Variants in IVNS1ABP observed in about 807,000 individuals in gnomAD.
The protein encoded by IVNS1ABP is influenza virus NS1A-binding protein.
Under a neutral mutation model 78.9 loss-of-function variants are expected in IVNS1ABP, and 25 were observed. The ratio of observed to expected loss-of-function variants is 0.32; its 90% CI spans 0.23 to 0.44. The LOEUF is 0.44. Ranked by LOEUF, IVNS1ABP falls within the 20% of genes least tolerant of loss-of-function variation. The pLI, the probability that IVNS1ABP is intolerant of heterozygous loss-of-function variation, is 1.00. For synonymous variants in IVNS1ABP, 241 were observed against 259.7 expected, an observed-to-expected ratio of 0.93 and a Z score of 0.69; for missense variants, 494 against 768.9, an observed-to-expected ratio of 0.64 and a Z score of 4.23.
intron 4 of IVNS1ABP, 24 bp from the exon 5 acceptor site, chr1:185,308,899 T>G (rs1210571656): frequency 5.0e-6 from 8 of 1,591,496 alleles, no homozygotes; most frequent in Non-Finnish European, 6.9e-6. Flanking sequence ...AAGTTACTTA[T>G]GATACCAAAG....
Position 185,309,028 on chromosome 1 carries a change from A to G in IVNS1ABP, c.256T>C (p.Leu86=), listed in dbSNP as rs1481616255. 3 of 1,611,568 alleles carry G rather than the reference A, an allele frequency of 1.9e-6. No homozygotes were observed. The African/African-American group carries it at 4.0e-5, about 22-fold the overall frequency. Residue 86 remains leucine, a synonymous_variant, in exon 4 of 15, where the codon TTG becomes CTG. Coordinates refer to ENST00000367498, the MANE Select transcript of IVNS1ABP (RefSeq NM_006469.5). The part of the protein sequence containing the change: ...DDLNPEAVEV[L]LNYAYTAQLK... ...TGAGCAGTGTAGGCATAATTCAACA[A>G]GACTTCAACAGCTTCTGGATTGAGA...
chr1:185,298,640 G>A lies in IVNS1ABP; in HGVS notation c.1676-352C>T. The A allele has an allele frequency of 3.4e-6, 1 of 289,938 alleles. No individual in the cohort carries two copies. The highest frequency in any genetic ancestry group is 6.5e-6 in the Non-Finnish European group (1 of 153,720). The allele number at this position is 289,938 out of a possible 1,614,324, so 18.0% of individuals were successfully genotyped here. A position where few individuals can be genotyped will look rare whatever the true frequency, so the allele number is the denominator to read the frequency against. On this transcript the variant is annotated intron_variant, in intron 14 of 14. Coordinates refer to ENST00000367498, the MANE Select transcript of IVNS1ABP (RefSeq NM_006469.5). This position sits in a 1 kb window ranked among gnomAD's most constrained non-coding sequence, Gnocchi z 4.1. ...GAAGCTGGACAATTATCCTACAGATGCAGCTACTAAGTAGCAAACCAGAAT... is the reference window on the plus strand; with the variant it reads ...GAAGCTGGACAATTATCCTACAGATACAGCTACTAAGTAGCAAACCAGAAT...
intron 9 of IVNS1ABP, 68 bp downstream of exon 9, chr1:185,301,366 T>C (rs929381702): frequency 1.5e-5 from 23 of 1,570,404 alleles, no homozygotes; most frequent in Non-Finnish European, 1.9e-5. Context: ...TAAGAGGTAT[T>C]AAATTGGCAA....
At position 185,301,466 on chromosome 1, in the gene IVNS1ABP, T is replaced by G. The variant is rs1343927589; in HGVS notation, c.863A>C (p.Glu288Ala). ...PNATVQSPKH[E>A]WKIVASEKTS... ...CTTTTCTGAAGCAACGATTTTCCAC[T>G]CATGCTTAGGGCTTTGTACTGTAGC... Residue 288 changes from glutamate to alanine, a missense_variant, in exon 9 of 15, where the codon GAG (glutamate) becomes GCG (alanine). Glu to Ala is a moderately radical substitution (Grantham distance 107). Transcript: ENST00000367498. 1 of 1,613,224 alleles carries G rather than the reference T, an allele frequency of 6.2e-7. No homozygotes were observed. The highest frequency in any genetic ancestry group is 8.5e-7 in the Non-Finnish European group (1 of 1,179,408).
At position 185,313,120 on chromosome 1, in the gene IVNS1ABP, C is replaced by A. The variant is rs549532401; in HGVS notation, c.-246-1798G>T. ...TACTATATTTGACAAATTGAATGAT[C>A]TACCTAAAATTTATTTTGGAAAAAA... On this transcript the variant is annotated intron_variant, in intron 1 of 14. Transcript: ENST00000367498. 2.6e-5 allele frequency among the ~76,000 whole-genome samples: 4 copies of A among 152,264 alleles called. No individual in the cohort carries two copies. In the South Asian group the frequency reaches 8.3e-4, roughly 32 times the overall value.
rs1452735158 is a variant in IVNS1ABP at position 185,316,976 on chromosome 1, A to G, written c.-270T>C. The G allele has an allele frequency of 2.5e-6, 1 of 398,456 alleles. No homozygotes were observed. The highest frequency in any genetic ancestry group is 4.4e-6 in the Non-Finnish European group (1 of 226,028). The allele number at this position is 398,456 out of a possible 1,614,324, so 24.7% of individuals were successfully genotyped here. A position where few individuals can be genotyped will look rare whatever the true frequency, so the allele number is the denominator to read the frequency against. ...ACCTGGTTCATCTCTGAAGAGATGG[A>G]AACATTCATTTCTAGAGCTTCGATG... On this transcript the variant is annotated 5_prime_UTR_variant, in exon 1 of 15. Coordinates refer to ENST00000367498, the MANE Select transcript of IVNS1ABP (RefSeq NM_006469.5).
Position 185,305,842 on chromosome 1 carries a change from A to T in IVNS1ABP, c.658-199T>A. ...TAAAAAACAAAAACAAAAAACCAAA[A>T]TCAAATACAAAATCTTCCAATACTG... On this transcript the variant is annotated intron_variant, in intron 7 of 14. Coordinates refer to ENST00000367498, the MANE Select transcript of IVNS1ABP (RefSeq NM_006469.5). The surrounding 1 kb of genome is among the most constrained non-coding windows in gnomAD (Gnocchi z 4.0). 1 of 542,962 alleles carries T rather than the reference A, an allele frequency of 1.8e-6. No homozygotes were observed. Among genetic ancestry groups the T allele is most frequent in the Non-Finnish European group, 3.2e-6 (1 of 315,798 alleles). 33.6% of individuals were successfully genotyped at this position (542,962 alleles called of 1,614,324 possible). A position where few individuals can be genotyped will look rare whatever the true frequency, so the allele number is the denominator to read the frequency against.
rs1665725102 is a variant in IVNS1ABP, at chr1:185,305,822, AAC to A, written c.658-181_658-180del. 2 of 671,532 alleles carry A rather than the reference AAC, an allele frequency of 3.0e-6. No individual in the cohort carries two copies. Among genetic ancestry groups the A allele is most frequent in the Admixed American group, 7.0e-5 (2 of 28,560 alleles). 41.6% of individuals were successfully genotyped at this position (671,532 alleles called of 1,614,324 possible). On this transcript the variant is annotated intron_variant, in intron 7 of 14. Coordinates refer to ENST00000367498, the MANE Select transcript of IVNS1ABP (RefSeq NM_006469.5). This position sits in a 1 kb window ranked among gnomAD's most constrained non-coding sequence, Gnocchi z 4.0. Reference sequence around the variant, plus strand: ...CATGTCATGGTGGTAAAAATTAAAAAACAAAAACAAAAAACCAAAATCAAATA... The same window carrying A: ...CATGTCATGGTGGTAAAAATTAAAAAAAAAACAAAAAACCAAAATCAAATA...
At chr1:185,315,145 A>C (rs16823905) in intron 1 of IVNS1ABP, among the ~76,000 whole-genome samples, 2,971 of 152,330 alleles carry the variant, frequency 0.02, 98 homozygotes, top group African/African-American at 0.068. Flanking sequence ...ATTTGACTAT[A>C]CAATCGCACT....
At chr1:185,306,562 G>A (rs1015631337) in intron 7 of IVNS1ABP, 23 of 1,283,254 alleles carry the variant, frequency 1.8e-5, no homozygotes, top group Non-Finnish European at 5.1e-6. Context: ...TTCTTTACGT[G>A]TCAATACACT....
At chr1:185,313,117 G>A (rs978598288) in intron 1 of IVNS1ABP, among the ~76,000 whole-genome samples, 14 of 152,072 alleles carry the variant, frequency 9.2e-5, no homozygotes, top group African/African-American at 2.9e-4. Flanking sequence ...CAAATTGAAT[G>A]ATCTACCTAA....
At position 185,308,988 on chromosome 1, in the gene IVNS1ABP, T is replaced by C; in HGVS notation, c.281+15A>G. On this transcript the variant is annotated intron_variant, in intron 4 of 14. Transcript: ENST00000367498. ...GATATTCCCTAATTATATGGTTTAC[T>C]TCAAATGTACTTACTGAGCAGTGTA... 6.3e-7 allele frequency: 1 copy of C among 1,598,602 alleles called. No individual in the cohort carries two copies. The highest frequency in any genetic ancestry group is 8.5e-7 in the Non-Finnish European group (1 of 1,172,012).
chr1:185,308,579 T>C (rs77621123), intron 5 of IVNS1ABP, among the ~76,000 whole-genome samples: 1,586 of 152,258 alleles, frequency 0.01, 39 homozygotes, highest in East Asian at 0.092. Context: ...CCAGAGAAGA[T>C]TGCTGAAAGG....
Position 185,301,540 on chromosome 1 carries a change from G to A in IVNS1ABP, c.789C>T (p.Gly263=). The A allele has an allele frequency of 6.2e-7, 1 of 1,612,996 alleles. No individual in the cohort carries two copies. Among genetic ancestry groups the A allele is most frequent in the Non-Finnish European group, 8.5e-7 (1 of 1,179,296 alleles). ...FVQKKPPREN[G]HKQISSSSTG... is the part of the protein sequence containing the mutation. ...TTGAACTGCTACTTATCTGCTTATG[G>A]CCATTCTCACGTGGTGGCTTTTTCT... Residue 263 remains glycine, a synonymous_variant, in exon 9 of 15, where the codon GGC becomes GGT. Transcript: ENST00000367498.
In IVNS1ABP at chr1:185,297,730, C is replaced by G. The variant is rs888492270; in HGVS notation, c.*305G>C. ...AAGAGTCATTTAATGTGCAAATTGG[C>G]AAAACAAATGTGGAGGAGAGGGGAC... is the stretch of plus-strand genomic sequence containing the variant. On this transcript the variant is annotated 3_prime_UTR_variant, in exon 15 of 15. Coordinates refer to ENST00000367498, the MANE Select transcript of IVNS1ABP (RefSeq NM_006469.5). The G allele has an allele frequency of 2.7e-6, 1 of 367,220 alleles. No homozygotes were observed. The highest frequency in any genetic ancestry group is 2.1e-5 in the African/African-American group (1 of 48,356). 22.7% of individuals were successfully genotyped at this position (367,220 alleles called of 1,614,324 possible). A position where few individuals can be genotyped will look rare whatever the true frequency, so the allele number is the denominator to read the frequency against.
intron 5 of IVNS1ABP, among the ~76,000 whole-genome samples, chr1:185,308,285 G>A (rs1301618078): frequency 6.6e-6 from 1 of 152,176 alleles, no homozygotes; most frequent in Non-Finnish European, 1.5e-5. Flanking sequence ...GGAAAGCAGT[G>A]TAGACCATAT....
Position 185,300,958 on chromosome 1 carries a change from G to C in IVNS1ABP, c.1120+14C>G. ...CATCTACATGCTTAGCCAGTTGAATGCTTCTGTTCTTACCTGCAGCTATGA... is the reference window on the plus strand; with the variant it reads ...CATCTACATGCTTAGCCAGTTGAATCCTTCTGTTCTTACCTGCAGCTATGA... On this transcript the variant is annotated intron_variant, in intron 10 of 14. Transcript: ENST00000367498. The C allele has an allele frequency of 6.2e-7, 1 of 1,603,740 alleles. No homozygotes were observed. The highest frequency in any genetic ancestry group is 8.5e-7 in the Non-Finnish European group (1 of 1,171,778).
At position 185,299,991 on chromosome 1, in the gene IVNS1ABP, C is replaced by T; in HGVS notation, c.1501+8G>A. On this transcript the variant is annotated splice_region_variant and intron_variant, in intron 13 of 14. Transcript: ENST00000367498. ...TTTAAAAAAAAAAAGGAAAAAAAAT[C>T]AACTTACGAATGTTAAGAGGGGCAC... The T allele has an allele frequency of 6.2e-7, 1 of 1,604,132 alleles. No individual in the cohort carries two copies. The highest frequency in any genetic ancestry group is 8.5e-7 in the Non-Finnish European group (1 of 1,177,192).
intron 8 of IVNS1ABP, among the ~76,000 whole-genome samples, chr1:185,303,038 G>A (rs1239450163): frequency 2.0e-5 from 3 of 151,780 alleles, no homozygotes; most frequent in South Asian, 2.1e-4. Flanking sequence ...AAAAAATAAG[G>A]TTAGACTTAT....
Sources: gnomAD v4.1 joint callset for allele counts (sites outside exome capture counted in the v4.1 genomes callset) on GRCh38, gnomAD v4.1.1 for gene constraint, Gnocchi (gnomAD v3.1) non-coding constraint, MANE v1.5 for transcripts, NCBI Gene and HGNC (gene_info 2026-07-23, HGNC 2026-07-21) for gene names.